SLC44A5: variants seen among roughly 807,000 people sequenced by gnomAD.
SLC44A5 encodes solute carrier family 44 member 5, also known as choline transporter-like protein 5.
SLC44A5 carries 57 observed loss-of-function variants against 101.8 expected under a neutral mutation model. The ratio of observed to expected loss-of-function variants is 0.56; its 90% CI spans 0.45 to 0.70. SLC44A5 has a LOEUF of 0.70. Among genes scored for constraint, SLC44A5 ranks in the 30% least tolerant of loss-of-function variants. The pLI, the probability that SLC44A5 is intolerant of heterozygous loss-of-function variation, is 0.00. For synonymous variants in SLC44A5, 281 were observed against 290.9 expected (o/e 0.97, Z 0.35); for missense variants, 737 against 853.1 (o/e 0.86, Z 1.70).
In SLC44A5 at chr1:75,203,822, C is replaced by A. The variant is rs1477898659; in HGVS notation, c.2059G>T (p.Glu687Ter). ...CTTGCAGTAGAACCATCATTTCTTT[C>A]TAAATCTTCCACTAGGAGGAAGAAT... ...TIFICFLEDL[E>*]RNDGSTARPY... The change falls in exon 24 of 24, where the codon GAA (glutamate) becomes TAA (stop). Residue 687 changes from glutamate (E) to a stop codon, truncating the protein, a stop_gained. Transcript: ENST00000370859. LOFTEE classifies it low-confidence loss of function (END_TRUNC). 6.5e-7 allele frequency: 1 copy of A among 1,548,036 alleles called. No individual in the cohort carries two copies. Among genetic ancestry groups the A allele is most frequent in the Non-Finnish European group, 8.7e-7 (1 of 1,145,426 alleles).
chr1:75,441,701 T>C (rs1484559984), intron 2 of SLC44A5, among the ~76,000 whole-genome samples: 1 of 152,076 alleles, frequency 6.6e-6, no homozygotes, highest in Non-Finnish European at 1.5e-5. Flanking sequence ...TACAGCATGG[T>C]CTTCTCTGCT....
intron 4 of SLC44A5, among the ~76,000 whole-genome samples, chr1:75,307,499 C>A (rs369563562): frequency 6.6e-6 from 1 of 152,216 alleles, no homozygotes; most frequent in African/African-American, 2.4e-5. Context: ...GCAGACCATG[C>A]TGTGAATTAG....
intron 4 of SLC44A5, among the ~76,000 whole-genome samples, chr1:75,333,436 T>C (rs1657200724): frequency 6.9e-6 from 1 of 145,664 alleles, no homozygotes; most frequent in Non-Finnish European, 1.5e-5. Flanking sequence ...TTCCTCAATA[T>C]ATGAGCTTGT....
chr1:75,345,669 G>A (rs1490613917), intron 3 of SLC44A5, among the ~76,000 whole-genome samples: 1 of 152,104 alleles, frequency 6.6e-6, no homozygotes, highest in Non-Finnish European at 1.5e-5. Flanking sequence ...AGGAAAGAAT[G>A]TGTCATGTGT....
At chr1:75,656,437 G>A in the SLC44A5 span, among the ~76,000 whole-genome samples, 2 of 152,070 alleles carry the variant, frequency 1.3e-5, no homozygotes, top group Non-Finnish European at 2.9e-5. Flanking sequence ...ATCAACCAAC[G>A]ATAATAACTA....
At chr1:75,650,686 A>T in the SLC44A5 span, among the ~76,000 whole-genome samples, 1 of 152,208 alleles carries the variant, frequency 6.6e-6, no homozygotes, top group Non-Finnish European at 1.5e-5. Flanking sequence ...GCAGTGACAC[A>T]ATCACAGTTC....
At chr1:75,295,515 G>A (rs1653896364) in intron 5 of SLC44A5, among the ~76,000 whole-genome samples, 1 of 152,150 alleles carries the variant, frequency 6.6e-6, no homozygotes, top group African/African-American at 2.4e-5. Context: ...ACCCTCAAAG[G>A]GAACTTACTA....
In SLC44A5 at chr1:75,405,076, A is replaced by G. The variant is rs1391114299; in HGVS notation, c.14-8455T>C. ...TCTCTGATAAAACAGACTTTCAACA[A>G]ACAGAGAATAGAAGAGACAAAGAAG... On this transcript the variant is annotated intron_variant, in intron 2 of 23. Coordinates refer to ENST00000370859, the MANE Select transcript of SLC44A5 (RefSeq NM_001130058.2). 2.0e-5 allele frequency among the ~76,000 whole-genome samples: 3 copies of G among 152,368 alleles called. No homozygotes were observed. In the East Asian group the frequency reaches 5.8e-4, roughly 29 times the overall value.
chr1:75,387,004 C>T (rs988350458), intron 3 of SLC44A5, among the ~76,000 whole-genome samples: 1 of 151,634 alleles, frequency 6.6e-6, no homozygotes, highest in South Asian at 2.1e-4. Flanking sequence ...ACTGGCTAGC[C>T]ATATGTAGAA....
At chr1:75,553,883 CAGGAGGAGG>C (rs57453178) in intron 1 of SLC44A5, among the ~76,000 whole-genome samples, 29 of 149,776 alleles carry the variant, frequency 1.9e-4, no homozygotes, top group African/African-American at 4.4e-4. Context: ...CCTTGTGGAG[CAGGAGGAGG>C]AGGAGGAGGA....
At chr1:75,564,032 C>G (rs762944051) in intron 1 of SLC44A5, among the ~76,000 whole-genome samples, 4 of 152,180 alleles carry the variant, frequency 2.6e-5, no homozygotes, top group Non-Finnish European at 5.9e-5. Flanking sequence ...TTACCCCTCT[C>G]TACATATTTA....
chr1:75,451,171 G>T (rs982217747), intron 2 of SLC44A5, among the ~76,000 whole-genome samples: 1 of 152,164 alleles, frequency 6.6e-6, no homozygotes, highest in African/African-American at 2.4e-5. Context: ...GGGCCATCTT[G>T]GTCTTGCCCA....
intron 6 of SLC44A5, among the ~76,000 whole-genome samples, chr1:75,261,767 T>TA (rs1307119284): frequency 6.6e-6 from 1 of 152,028 alleles, no homozygotes; most frequent in African/African-American, 2.4e-5. Flanking sequence ...AAATCCTCAA[T>TA]AAAATACTGG....
At chr1:75,393,229 T>C (rs1661912404) in intron 3 of SLC44A5, among the ~76,000 whole-genome samples, 1 of 152,198 alleles carries the variant, frequency 6.6e-6, no homozygotes. Context: ...TCGCATGTCA[T>C]GCAGATCTTT....
chr1:75,296,638 G>A (rs1009506749), intron 5 of SLC44A5, among the ~76,000 whole-genome samples: 1 of 151,898 alleles, frequency 6.6e-6, no homozygotes, highest in African/African-American at 2.4e-5. Flanking sequence ...CCACTACATA[G>A]CGAGGTGCCC....
At chr1:75,602,582 C>T (rs1646804164) in intron 1 of SLC44A5, among the ~76,000 whole-genome samples, 1 of 152,004 alleles carries the variant, frequency 6.6e-6, no homozygotes, top group Admixed American at 6.6e-5. Context: ...CTCCTTTAGT[C>T]ACCAATACTC....
intron 2 of SLC44A5, among the ~76,000 whole-genome samples, chr1:75,407,284 C>CA: frequency 6.6e-6 from 1 of 152,146 alleles, no homozygotes; most frequent in East Asian, 1.9e-4. Context: ...GCCATACTGC[C>CA]CAAAGTAATT....
intron 9 of SLC44A5, among the ~76,000 whole-genome samples, chr1:75,240,655 C>T (rs570091524): frequency 2.4e-4 from 36 of 152,110 alleles, no homozygotes; most frequent in African/African-American, 8.4e-4. Context: ...GCTTCAAGGT[C>T]TTTTATGACC....
At chr1:75,491,756 T>C (rs1368120091) in intron 2 of SLC44A5, among the ~76,000 whole-genome samples, 1 of 151,644 alleles carries the variant, frequency 6.6e-6, no homozygotes, top group Non-Finnish European at 1.5e-5. Flanking sequence ...CACACAGTAT[T>C]ATGCAGGTTT....
Sources: gnomAD v4.1 joint callset for allele counts (sites outside exome capture counted in the v4.1 genomes callset) on GRCh38, gnomAD v4.1.1 for gene constraint, MANE v1.5 for transcripts, NCBI Gene and HGNC (gene_info 2026-07-23, HGNC 2026-07-21) for gene names.